Variants in ARHGEF7 observed in about 807,000 individuals in gnomAD.
ARHGEF7 encodes the protein Rho guanine nucleotide exchange factor 7, also known as PAK-interacting exchange factor beta.
In ARHGEF7, 33 loss-of-function variants were observed where a neutral mutation model predicts 109.8. That is an observed-to-expected ratio of 0.30 (90% CI 0.23 to 0.40). ARHGEF7 has a LOEUF of 0.40. Ranked by LOEUF, ARHGEF7 falls within the 10% of genes least tolerant of loss-of-function variation. The pLI is 1.00. For synonymous variants in ARHGEF7, 458 were observed against 424.6 expected (o/e 1.08, Z -0.97); for missense variants, 938 against 1,098.5 (o/e 0.85, Z 2.07).
intron 8 of ARHGEF7, among the ~76,000 whole-genome samples, chr13:111,247,309 C>A (rs1376591216): frequency 6.6e-6 from 1 of 151,236 alleles, no homozygotes; most frequent in African/African-American, 2.4e-5. Context: ...TGCTCTGTTG[C>A]CCAGGCTGGA....
chr13:111,141,898 A>G (rs1317890461), intron 1 of ARHGEF7, among the ~76,000 whole-genome samples: 1 of 152,190 alleles, frequency 6.6e-6, no homozygotes, highest in Non-Finnish European at 1.5e-5. Context: ...TTTGTAGGAG[A>G]CTGCCCAACT....
In ARHGEF7 at chr13:111,303,185, G is replaced by A. The variant is rs2093607355; in HGVS notation, c.*72G>A. 5 of 1,280,898 alleles carry A rather than the reference G, an allele frequency of 3.9e-6. No individual in the cohort carries two copies. Among genetic ancestry groups the A allele is most frequent in the Non-Finnish European group, 5.3e-6 (5 of 950,516 alleles). The allele number at this position is 1,280,898 out of a possible 1,614,324, so 79.3% of individuals were successfully genotyped here. A position where few individuals can be genotyped will look rare whatever the true frequency, so the allele number is the denominator to read the frequency against. On this transcript the variant is annotated 3_prime_UTR_variant, in exon 22 of 22. Transcript: ENST00000646102. ...CTGGGCACCCCTGACCCAAGTCGGGGTGCACTCAGGACCACAGGGCAGGGC... is the reference window on the plus strand; with the variant it reads ...CTGGGCACCCCTGACCCAAGTCGGGATGCACTCAGGACCACAGGGCAGGGC...
intron 1 of ARHGEF7, among the ~76,000 whole-genome samples, chr13:111,151,492 C>CT (rs1339156075): frequency 1.4e-4 from 22 of 152,318 alleles, no homozygotes; most frequent in Admixed American, 1.4e-3. Flanking sequence ...CCATATATGA[C>CT]TTTTTTTATT....
At chr13:111,212,875 G>A (rs2082665899) in intron 4 of ARHGEF7, among the ~76,000 whole-genome samples, 1 of 152,128 alleles carries the variant, frequency 6.6e-6, no homozygotes, top group South Asian at 2.1e-4. Flanking sequence ...ACAGTATTTG[G>A]TGGAATATAA....
At chr13:111,172,573 C>G (rs1413795291) in intron 2 of ARHGEF7, among the ~76,000 whole-genome samples, 1 of 152,204 alleles carries the variant, frequency 6.6e-6, no homozygotes, top group Non-Finnish European at 1.5e-5. Context: ...CTCAAAGAAA[C>G]TCAAGCCATA....
intron 5 of ARHGEF7, 124 bp downstream of exon 5, chr13:111,218,004 T>C: frequency 1.0e-6 from 1 of 994,782 alleles, no homozygotes; most frequent in African/African-American, 1.6e-5. Context: ...GGATACAGTT[T>C]TTTGTTAGAT....
chr13:111,300,688 T>A (rs534819411), intron 19 of ARHGEF7, 60 bp from the exon 20 acceptor site: 152 of 1,198,480 alleles, frequency 1.3e-4, no homozygotes, highest in Non-Finnish European at 1.7e-4. Flanking sequence ...TCAAGTTGTT[T>A]TTCTTCATTC....
At chr13:111,214,055 T>C (rs2082820538) in intron 4 of ARHGEF7, among the ~76,000 whole-genome samples, 1 of 152,232 alleles carries the variant, frequency 6.6e-6, no homozygotes, top group African/African-American at 2.4e-5. Context: ...ACGTTTCACC[T>C]GGATACCTGG....
intron 5 of ARHGEF7, among the ~76,000 whole-genome samples, chr13:111,223,177 G>T (rs1042830019): frequency 4.5e-4 from 68 of 152,144 alleles, no homozygotes; most frequent in African/African-American, 1.6e-3. Flanking sequence ...AAGGGTGGGC[G>T]GCTATATTGC....
At chr13:111,216,311 C>T (rs929297967) in intron 4 of ARHGEF7, among the ~76,000 whole-genome samples, 2 of 151,724 alleles carry the variant, frequency 1.3e-5, no homozygotes, top group African/African-American at 2.4e-5. Flanking sequence ...AGTGGTAGAG[C>T]GGGGGCTGTA....
chr13:111,271,339 A>G (rs2092129447), intron 9 of ARHGEF7, among the ~76,000 whole-genome samples: 1 of 152,130 alleles, frequency 6.6e-6, no homozygotes, highest in Non-Finnish European at 1.5e-5. Flanking sequence ...TTCCCCACCC[A>G]TCTTCCCGGG....
intron 9 of ARHGEF7, among the ~76,000 whole-genome samples, chr13:111,268,740 G>C (rs1038068119): frequency 1.2e-4 from 18 of 152,196 alleles, no homozygotes; most frequent in African/African-American, 3.9e-4. Flanking sequence ...TTTCCTGAAG[G>C]AACTCATTCA....
intron 2 of ARHGEF7, among the ~76,000 whole-genome samples, chr13:111,173,939 A>G (rs944196812): frequency 1.4e-4 from 22 of 152,126 alleles, no homozygotes; most frequent in Non-Finnish European, 2.2e-4. Flanking sequence ...TTGTGTAGTG[A>G]TTACTATGAT....
intron 1 of ARHGEF7, among the ~76,000 whole-genome samples, chr13:111,124,643 C>T (rs533037482): frequency 1.3e-5 from 2 of 152,386 alleles, no homozygotes; most frequent in South Asian, 2.1e-4. Context: ...TGGGAGGGTG[C>T]ACTTGCCACT....
At chr13:111,203,314 T>C (rs913601157) in intron 2 of ARHGEF7, among the ~76,000 whole-genome samples, 1 of 152,230 alleles carries the variant, frequency 6.6e-6, no homozygotes, top group African/African-American at 2.4e-5. Flanking sequence ...TAATTCCTTT[T>C]AAAAAATGCA....
chr13:111,164,476 G>A (rs1032293068), intron 2 of ARHGEF7, among the ~76,000 whole-genome samples: 2 of 152,258 alleles, frequency 1.3e-5, no homozygotes, highest in Non-Finnish European at 2.9e-5. Context: ...TGTGCGACTA[G>A]TGTTGCCACA....
At chr13:111,150,386 A>G (rs1322018109) in intron 1 of ARHGEF7, among the ~76,000 whole-genome samples, 1 of 152,204 alleles carries the variant, frequency 6.6e-6, no homozygotes, top group Non-Finnish European at 1.5e-5. Context: ...ATGTTTTGCC[A>G]TCTCATCCAG....
chr13:111,130,295 C>CA (rs2097778592), intron 1 of ARHGEF7, among the ~76,000 whole-genome samples: 1 of 152,088 alleles, frequency 6.6e-6, no homozygotes, highest in African/African-American at 2.4e-5. Flanking sequence ...TGCACTATGT[C>CA]AAAACTTATC....
intron 5 of ARHGEF7, among the ~76,000 whole-genome samples, chr13:111,231,072 C>T (rs893242490): frequency 2.0e-5 from 3 of 152,160 alleles, no homozygotes; most frequent in Admixed American, 6.5e-5. Flanking sequence ...GTCACTGTTA[C>T]GAAGTTCACT....
Sources: allele counts gnomAD v4.1 joint callset (sites outside exome capture counted in the v4.1 genomes callset), GRCh38; gene constraint gnomAD v4.1.1; transcripts MANE v1.5; gene names NCBI Gene and HGNC (gene_info 2026-07-23, HGNC 2026-07-21).